The following PEAK1 variants were observed in gnomAD, a reference collection of about 807,000 sequenced individuals.
PEAK1 encodes the protein inactive tyrosine-protein kinase PEAK1.
In PEAK1, 54 loss-of-function variants were observed where a neutral mutation model predicts 124.7. The observed-to-expected ratio is 0.43, with a 90% CI of 0.35 to 0.54. The LOEUF (loss-of-function observed/expected upper bound fraction) is 0.54. Among genes scored for constraint, PEAK1 ranks in the 20% least tolerant of loss-of-function variants. PEAK1 has a pLI of 0.01. For synonymous variants in PEAK1, 719 were observed against 760.0 expected (o/e 0.95, Z 0.89); for missense variants, 2,046 against 2,134.5 (o/e 0.96, Z 0.82).
intron 5 of PEAK1, among the ~76,000 whole-genome samples, chr15:77,254,405 C>G (rs1333244002): frequency 6.6e-6 from 1 of 151,758 alleles, no homozygotes; most frequent in African/African-American, 2.4e-5. Flanking sequence ...TATTTTCTAA[C>G]CAAGTAAGCA....
chr15:77,377,620 C>T (rs923272935), intron 1 of PEAK1, among the ~76,000 whole-genome samples: 5 of 151,976 alleles, frequency 3.3e-5, no homozygotes, highest in South Asian at 2.1e-4. Flanking sequence ...CAGGTGTGCA[C>T]CATCACATCC....
At chr15:77,322,186 A>G (rs1040966199) in intron 2 of PEAK1, among the ~76,000 whole-genome samples, 1 of 152,262 alleles carries the variant, frequency 6.6e-6, no homozygotes, top group Non-Finnish European at 1.5e-5. Context: ...GGAAAGATCT[A>G]AAATTGACAC....
chr15:77,115,494 G>A (rs1010889398), intron 9 of PEAK1, among the ~76,000 whole-genome samples, 175 bp from the exon 10 acceptor site: 1 of 152,106 alleles, frequency 6.6e-6, no homozygotes, highest in Non-Finnish European at 1.5e-5. Flanking sequence ...ATTTCTCATG[G>A]TTGTCTACAT....
rs763046076 is a variant in PEAK1, at chr15:77,180,672, G to C, written c.1255C>G (p.Leu419Val). 3.1e-6 allele frequency: 5 copies of C among 1,614,036 alleles called. No individual in the cohort carries two copies. Among genetic ancestry groups the C allele is most frequent in the Non-Finnish European group, 3.4e-6 (4 of 1,180,020 alleles). The change falls in exon 7 of 10, where the codon CTC becomes GTC. Residue 419 changes from leucine to valine, a missense_variant. Transcript: ENST00000682557. ...VPETHKAVLALRLEEKDGKIA... is the reference protein window; with the variant it reads ...VPETHKAVLAVRLEEKDGKIA... Reference sequence around the variant, plus strand: ...TTGCCATCTTTCTCTTCTAATCGGAGAGCAAGGACTGCTTTGTGGGTCTCT... The same window carrying C: ...TTGCCATCTTTCTCTTCTAATCGGACAGCAAGGACTGCTTTGTGGGTCTCT...
chr15:77,333,020 C>T (rs1439313242), intron 2 of PEAK1: 29 of 937,282 alleles, frequency 3.1e-5, no homozygotes, highest in Non-Finnish European at 3.7e-5. Flanking sequence ...CTTATAAGTG[C>T]TCTTCATACA....
chr15:77,134,147 A>G (rs546430906), intron 8 of PEAK1, among the ~76,000 whole-genome samples: 1 of 152,364 alleles, frequency 6.6e-6, no homozygotes, highest in South Asian at 2.1e-4. Context: ...AGCATTGTGG[A>G]TAAAGAAAAT....
Position 77,109,577 on chromosome 15 carries a change from T to A in PEAK1, c.*4579A>T, listed in dbSNP as rs1196777896. 1 of 152,206 alleles carries A rather than the reference T, an allele frequency of 6.6e-6. No individual in the cohort carries two copies. Among genetic ancestry groups the A allele is most frequent in the Non-Finnish European group, 1.5e-5 (1 of 68,036 alleles). 9.4% of individuals were successfully genotyped at this position (152,206 alleles called of 1,614,324 possible). ...ATGGCACCGTTTTTGGTCCATGGAA[T>A]CCCCACTTTTGGCACTGCTGTAAGC... On this transcript the variant is annotated 3_prime_UTR_variant, in exon 10 of 10. Transcript: ENST00000682557.
At chr15:77,151,926 C>G (rs1369999933) in intron 8 of PEAK1, among the ~76,000 whole-genome samples, 3 of 150,492 alleles carry the variant, frequency 2.0e-5, no homozygotes. Flanking sequence ...TTGTAGTAAC[C>G]AAAAACCTTT....
intron 6 of PEAK1, 123 bp from the exon 7 acceptor site, chr15:77,182,163 GC>G: frequency 1.2e-6 from 1 of 868,282 alleles, no homozygotes; most frequent in Non-Finnish European, 1.5e-6. Flanking sequence ...AAGACTGAGA[GC>G]TAAACTAATT....
intron 5 of PEAK1, among the ~76,000 whole-genome samples, chr15:77,270,484 A>G (rs895544371): frequency 2.6e-5 from 4 of 152,190 alleles, no homozygotes; most frequent in Non-Finnish European, 4.4e-5. Flanking sequence ...TACACCAATA[A>G]CAGACAAACA....
intron 6 of PEAK1, among the ~76,000 whole-genome samples, chr15:77,190,060 A>AT (rs1165004172): frequency 6.6e-6 from 1 of 152,114 alleles, no homozygotes; most frequent in Non-Finnish European, 1.5e-5. Flanking sequence ...GAGCAATGTC[A>AT]TTTTCTACCA....
chr15:77,193,595 G>A (rs2152836219), intron 6 of PEAK1, among the ~76,000 whole-genome samples: 1 of 152,296 alleles, frequency 6.6e-6, no homozygotes. Flanking sequence ...CTTGAGGTCA[G>A]GAGTTCGAGA....
At chr15:77,368,152 A>G (rs1317757927) in intron 1 of PEAK1, among the ~76,000 whole-genome samples, 2 of 152,218 alleles carry the variant, frequency 1.3e-5, no homozygotes, top group African/African-American at 4.8e-5. Flanking sequence ...GAATGTGTTT[A>G]TAAGAATATG....
At chr15:77,322,692 C>T (rs2065301885) in intron 2 of PEAK1, among the ~76,000 whole-genome samples, 1 of 152,098 alleles carries the variant, frequency 6.6e-6, no homozygotes, top group African/African-American at 2.4e-5. Context: ...CCAAATTCTA[C>T]CAGAGGTACA....
At chr15:77,246,395 A>C (rs1413135062) in intron 6 of PEAK1, among the ~76,000 whole-genome samples, 1 of 151,432 alleles carries the variant, frequency 6.6e-6, no homozygotes, top group Non-Finnish European at 1.5e-5. Flanking sequence ...ATGGTGGCTC[A>C]TGCCTGTAAT....
intron 2 of PEAK1, among the ~76,000 whole-genome samples, chr15:77,329,012 T>C (rs1262947933): frequency 6.6e-6 from 1 of 152,204 alleles, no homozygotes; most frequent in Non-Finnish European, 1.5e-5. Context: ...ATGTATTACA[T>C]TTCGTTAGAA....
intron 6 of PEAK1, among the ~76,000 whole-genome samples, chr15:77,203,710 CAAA>C (rs34002668): frequency 8.0e-6 from 1 of 124,272 alleles, no homozygotes; most frequent in Admixed American, 8.1e-5. Flanking sequence ...ACTGGACATC[CAAA>C]AAAAAAAAAA....
rs1566983342 is a variant in PEAK1, at chr15:77,114,766, GTGGGGC to G, written c.4625_4630del (p.Ser1542_Pro1543del). ...TATAAGCCTAGTGGGATAAGATGAG[GTGGGGC>G]TGGGCTCTGCAGGCCCAAAGCCTTG... On this transcript the variant is annotated inframe_deletion, in exon 10 of 10. Coordinates refer to ENST00000682557, the MANE Select transcript of PEAK1 (RefSeq NM_001385026.1). 3 of 1,613,228 alleles carry G rather than the reference GTGGGGC, an allele frequency of 1.9e-6. No homozygotes were observed. Among genetic ancestry groups the G allele is most frequent in the Non-Finnish European group, 2.5e-6 (3 of 1,179,944 alleles).
intron 6 of PEAK1, among the ~76,000 whole-genome samples, chr15:77,199,258 C>A (rs546477274): frequency 6.6e-6 from 1 of 152,296 alleles, no homozygotes; most frequent in Admixed American, 6.5e-5. Flanking sequence ...TAAGAGACTG[C>A]CTTTTAAAGT....
Sources: allele counts gnomAD v4.1 joint callset (sites outside exome capture counted in the v4.1 genomes callset), GRCh38; gene constraint gnomAD v4.1.1; transcripts MANE v1.5; gene names NCBI Gene and HGNC (gene_info 2026-07-23, HGNC 2026-07-21).